Variants in PTBP2 observed in about 807,000 individuals in gnomAD.
The protein encoded by PTBP2 is polypyrimidine tract binding protein 2.
Under a neutral mutation model 61.4 loss-of-function variants are expected in PTBP2, and 13 were observed. The observed-to-expected ratio is 0.21, with a 90% CI of 0.14 to 0.34. The LOEUF (loss-of-function observed/expected upper bound fraction) is 0.34. Ranked by LOEUF, PTBP2 falls within the 10% of genes least tolerant of loss-of-function variation. The probability of loss-of-function intolerance (pLI) is 1.00; values close to 1 mark genes in which losing one functional copy is unlikely to be tolerated. For missense variants in PTBP2, 405 were observed against 642.6 expected, an observed-to-expected ratio of 0.63 and a Z score of 4.00; for synonymous variants, 215 against 218.5, an observed-to-expected ratio of 0.98 and a Z score of 0.14.
chr1:96,763,609 G>GAGGGA (rs1656299582), intron 3 of PTBP2, among the ~76,000 whole-genome samples: 1 of 129,412 alleles, frequency 7.7e-6, no homozygotes, highest in African/African-American at 2.8e-5. Context: ...GGAGGGAGGG[G>GAGGGA]GAGGGGGAGG....
At chr1:96,820,463 CAAATG>C (rs781636830) in exon 14 of PTBP2, 26 of 152,124 alleles carry the variant, frequency 1.7e-4, no homozygotes, top group South Asian at 4.2e-4. Context: ...TCCTGAGAAA[CAAATG>C]AAAGCAGAAA....
chr1:96,735,733 A>C (rs1401307900), intron 2 of PTBP2, among the ~76,000 whole-genome samples: 1 of 152,236 alleles, frequency 6.6e-6, no homozygotes, highest in Non-Finnish European at 1.5e-5. Flanking sequence ...AGAGATGAAA[A>C]TAGGAGAAGC....
chr1:96,776,883 A>G (rs756304183), intron 5 of PTBP2, among the ~76,000 whole-genome samples: 3 of 151,954 alleles, frequency 2.0e-5, no homozygotes, highest in Non-Finnish European at 4.4e-5. Flanking sequence ...GTGTCCTGCA[A>G]TAGTCTATCT....
chr1:96,802,102 TTGG>T (rs1226205370), intron 8 of PTBP2, among the ~76,000 whole-genome samples: 2 of 147,782 alleles, frequency 1.4e-5, no homozygotes, highest in African/African-American at 5.0e-5. Flanking sequence ...TCCCAGCTAC[TTGG>T]GAGGCTGAGG....
chr1:96,741,592 C>G (rs1310709799), intron 2 of PTBP2, among the ~76,000 whole-genome samples: 1 of 149,420 alleles, frequency 6.7e-6, no homozygotes, highest in African/African-American at 2.4e-5. Context: ...CTACAGATAA[C>G]TCTCTCCTCT....
intron 8 of PTBP2, among the ~76,000 whole-genome samples, chr1:96,789,348 T>G (rs972596207): frequency 1.3e-5 from 2 of 152,070 alleles, no homozygotes; most frequent in African/African-American, 2.4e-5. Context: ...ATGTAGGTCT[T>G]ATAGAATATT....
intron 7 of PTBP2, among the ~76,000 whole-genome samples, chr1:96,778,167 CTTTTTTTTTT>C (rs371248551): frequency 0.034 from 4,224 of 125,300 alleles, 124 homozygotes; most frequent in South Asian, 0.15. Flanking sequence ...TATTATTTTA[CTTTTTTTTTT>C]TTTTTTTAAT....
chr1:96,820,918 G>C (rs975360065), exon 14 of PTBP2: 7 of 152,136 alleles, frequency 4.6e-5, no homozygotes, highest in Non-Finnish European at 7.4e-5. Flanking sequence ...TAGTATAACT[G>C]ACTTACTACT....
intron 2 of PTBP2, among the ~76,000 whole-genome samples, chr1:96,725,946 G>A (rs1650396458): frequency 6.6e-6 from 1 of 151,172 alleles, no homozygotes; most frequent in Admixed American, 6.6e-5. Flanking sequence ...GTGGTGACGG[G>A]TGCCTGTAGT....
intron 3 of PTBP2, among the ~76,000 whole-genome samples, chr1:96,762,455 C>CA (rs1358892999): frequency 2.0e-5 from 3 of 146,388 alleles, no homozygotes; most frequent in Non-Finnish European, 4.5e-5. Flanking sequence ...CTGACCCCCC[C>CA]ACCTCCCTCC....
intron 7 of PTBP2, among the ~76,000 whole-genome samples, chr1:96,782,680 A>G (rs60619004): frequency 0.045 from 6,825 of 152,066 alleles, 478 homozygotes; most frequent in African/African-American, 0.15. Flanking sequence ...CAAATATTAA[A>G]AAGTAGATAT....
rs1269317228 is a variant in PTBP2 at position 96,813,500 on chromosome 1, T to C, written c.*95T>C. The C allele has an allele frequency of 4.0e-6, 5 of 1,265,140 alleles. No individual in the cohort carries two copies. In the East Asian group the frequency reaches 1.3e-4, roughly 34 times the overall value. 78.4% of individuals were successfully genotyped at this position (1,265,140 alleles called of 1,614,324 possible). A position where few individuals can be genotyped will look rare whatever the true frequency, so the allele number is the denominator to read the frequency against. On this transcript the variant is annotated 3_prime_UTR_variant, in exon 14 of 14. Coordinates refer to ENST00000674951, the MANE Select transcript of PTBP2 (RefSeq NM_021190.4). The stretch of plus-strand genomic sequence containing the variant: ...AGTGGGGACCAGAGTTTGATTTTTT[T>C]TGTTTTTGTTTTTTTGGGGTTTCTT...
chr1:96,796,290 C>CAAA (rs35764825), intron 8 of PTBP2, among the ~76,000 whole-genome samples: 4 of 123,124 alleles, frequency 3.2e-5, no homozygotes, highest in Non-Finnish European at 1.7e-5. Context: ...CCGTCTCCAC[C>CAAA]AAAAAAAAAA....
At chr1:96,789,165 C>G (rs889081338) in intron 8 of PTBP2, among the ~76,000 whole-genome samples, 3 of 151,804 alleles carry the variant, frequency 2.0e-5, no homozygotes, top group African/African-American at 7.2e-5. Flanking sequence ...AGGAGAGAGA[C>G]TGTGTACAAA....
At chr1:96,761,464 T>G (rs1236753460) in intron 3 of PTBP2, among the ~76,000 whole-genome samples, 2 of 151,938 alleles carry the variant, frequency 1.3e-5, no homozygotes, top group Admixed American at 1.3e-4. Flanking sequence ...GGATCAGTAT[T>G]GTATAGAGGG....
intron 2 of PTBP2, among the ~76,000 whole-genome samples, chr1:96,734,464 G>GT (rs949968855): frequency 0.014 from 2,033 of 143,918 alleles, 37 homozygotes; most frequent in African/African-American, 0.045. Flanking sequence ...TTTTTATAGG[G>GT]TTTTTTTTTT....
intron 3 of PTBP2, 47 bp downstream of exon 3, chr1:96,751,547 C>A: frequency 1.4e-6 from 2 of 1,423,180 alleles, no homozygotes; most frequent in African/African-American, 1.4e-5. Flanking sequence ...TTTTAGGGGG[C>A]AGAATGTTAA....
rs747827924 is a variant in PTBP2, at chr1:96,777,586, G to C, written c.434G>C (p.Arg145Pro). ...AAACTACATAATCTTAATTTCCAGCGTGCTCAGGCAGTTCTTCAAGCTGTG... is the reference window on the plus strand; with the variant it reads ...AAACTACATAATCTTAATTTCCAGCCTGCTCAGGCAGTTCTTCAAGCTGTG... ...ELKTDNTLNQ[R>P]AQAVLQAVTA... Residue 145 changes from arginine to proline, a missense_variant and splice_region_variant, in exon 6 of 14, where the codon CGT becomes CCT. Arg to Pro is a moderately radical substitution (Grantham distance 103, BLOSUM62 -2). Coordinates refer to ENST00000674951, the MANE Select transcript of PTBP2 (RefSeq NM_021190.4). 6.2e-7 allele frequency: 1 copy of C among 1,604,502 alleles called. No individual in the cohort carries two copies. Among genetic ancestry groups the C allele is most frequent in the Admixed American group, 1.7e-5 (1 of 57,666 alleles).
rs1296012363 is a variant in PTBP2 at position 96,802,666 on chromosome 1, C to G, written c.905-2134C>G. ...TAAAAAGGGAATTTGAGGCTTGGTACTGAACTTCTTCTGCATGCCATATTG... is the reference window on the plus strand; with the variant it reads ...TAAAAAGGGAATTTGAGGCTTGGTAGTGAACTTCTTCTGCATGCCATATTG... On this transcript the variant is annotated intron_variant, in intron 8 of 13. Coordinates refer to ENST00000674951, the MANE Select transcript of PTBP2 (RefSeq NM_021190.4). 2.0e-5 allele frequency among the ~76,000 whole-genome samples: 3 copies of G among 152,100 alleles called. 1 individual carries two copies. The highest frequency in any genetic ancestry group is 4.4e-5 in the Non-Finnish European group (3 of 68,010).
Sources: allele counts gnomAD v4.1 joint callset (sites outside exome capture counted in the v4.1 genomes callset), GRCh38; gene constraint gnomAD v4.1.1; transcripts MANE v1.5; gene names NCBI Gene and HGNC (gene_info 2026-07-23, HGNC 2026-07-21).